CTNNA2: variants seen among roughly 807,000 people sequenced by gnomAD.
CTNNA2 encodes catenin alpha-2.
In CTNNA2, 42 loss-of-function variants were observed where a neutral mutation model predicts 101.0. That is an observed-to-expected ratio of 0.42 (90% CI 0.32 to 0.54). CTNNA2 has a LOEUF of 0.54. Among genes scored for constraint, CTNNA2 ranks in the 20% least tolerant of loss-of-function variants. CTNNA2 has a pLI of 0.14. For synonymous variants in CTNNA2, 450 were observed against 456.4 expected (o/e 0.99, Z 0.18); for missense variants, 871 against 1,223.1 (o/e 0.71, Z 4.29).
At chr2:79,883,134 G>C (rs1683578873) in intron 6 of CTNNA2, among the ~76,000 whole-genome samples, 1 of 152,128 alleles carries the variant, frequency 6.6e-6, no homozygotes, top group South Asian at 2.1e-4. Flanking sequence ...TGGCCATCTT[G>C]GTCCTGCCCT....
At chr2:79,329,690 C>T (rs184844400) in intron 3 of CTNNA2, among the ~76,000 whole-genome samples, 9 of 152,218 alleles carry the variant, frequency 5.9e-5, no homozygotes, top group African/African-American at 2.2e-4. Context: ...CATTTCCTTC[C>T]TGGAGGATGT....
At chr2:80,168,632 T>G (rs1704849498) in intron 7 of CTNNA2, among the ~76,000 whole-genome samples, 1 of 152,174 alleles carries the variant, frequency 6.6e-6, no homozygotes, top group East Asian at 1.9e-4. Flanking sequence ...ATCCATTCTT[T>G]TATGTAATTA....
chr2:79,611,502 C>A (rs971817166), intron 1 of CTNNA2, among the ~76,000 whole-genome samples: 1 of 152,104 alleles, frequency 6.6e-6, no homozygotes, highest in African/African-American at 2.4e-5. Context: ...CAGAATTAAA[C>A]AAATAACTCT....
chr2:79,975,944 T>G (rs1387720622), intron 7 of CTNNA2, among the ~76,000 whole-genome samples: 1 of 152,152 alleles, frequency 6.6e-6, no homozygotes, highest in African/African-American at 2.4e-5. Context: ...AACCTTCAGC[T>G]TCTATCCCCT....
intron 7 of CTNNA2, among the ~76,000 whole-genome samples, chr2:79,978,854 T>C (rs970963843): frequency 6.6e-6 from 1 of 152,162 alleles, no homozygotes; most frequent in East Asian, 1.9e-4. Flanking sequence ...CAATTTTAAA[T>C]AGTTTGTGTA....
intron 9 of CTNNA2, among the ~76,000 whole-genome samples, chr2:80,445,586 C>T (rs1233728299): frequency 6.6e-6 from 1 of 152,152 alleles, no homozygotes; most frequent in Non-Finnish European, 1.5e-5. Context: ...TAGTAAAATG[C>T]AGATATTTAG....
chr2:80,219,580 G>T (rs534987307), intron 7 of CTNNA2, among the ~76,000 whole-genome samples: 1 of 151,822 alleles, frequency 6.6e-6, no homozygotes, highest in Non-Finnish European at 1.5e-5. Context: ...CTCACCAATC[G>T]ACCCATTCAC....
intron 4 of CTNNA2, among the ~76,000 whole-genome samples, chr2:79,439,289 A>T (rs1678752762): frequency 6.6e-6 from 1 of 152,190 alleles, no homozygotes; most frequent in African/African-American, 2.4e-5. Context: ...CCTTTTAAAC[A>T]TTTGGCTAAG....
chr2:79,281,980 T>C (rs1339530370), intron 2 of CTNNA2, among the ~76,000 whole-genome samples: 3 of 152,140 alleles, frequency 2.0e-5, no homozygotes, highest in African/African-American at 7.2e-5. Flanking sequence ...AAATTATAAT[T>C]TATAATAGTC....
intron 1 of CTNNA2, among the ~76,000 whole-genome samples, chr2:79,548,814 C>A (rs936778979): frequency 6.6e-6 from 1 of 152,142 alleles, no homozygotes; most frequent in African/African-American, 2.4e-5. Context: ...GCCTGGCCTG[C>A]CCCACAGTGC....
chr2:79,555,258 A>C (rs2104086894), intron 1 of CTNNA2, among the ~76,000 whole-genome samples: 1 of 152,254 alleles, frequency 6.6e-6, no homozygotes, highest in Non-Finnish European at 1.5e-5. Context: ...AAAATTATTG[A>C]ATAAGGCCAT....
chr2:80,516,274 G>A (rs1311913349), intron 9 of CTNNA2, among the ~76,000 whole-genome samples: 3 of 152,214 alleles, frequency 2.0e-5, no homozygotes, highest in African/African-American at 7.2e-5. Context: ...GGCAGAAGCA[G>A]AGAGATGGAA....
chr2:80,133,167 G>A (rs1702503991), intron 7 of CTNNA2, among the ~76,000 whole-genome samples: 1 of 152,122 alleles, frequency 6.6e-6, no homozygotes, highest in African/African-American at 2.4e-5. Flanking sequence ...GGGAAGAGAT[G>A]GCCTTGTGTA....
intron 1 of CTNNA2, among the ~76,000 whole-genome samples, chr2:79,190,807 G>T (rs544785510): frequency 1.3e-5 from 2 of 152,176 alleles, no homozygotes; most frequent in East Asian, 3.9e-4. Flanking sequence ...ACTTTTTGTC[G>T]CAAGTAAGAG....
intron 4 of CTNNA2, among the ~76,000 whole-genome samples, chr2:79,436,913 G>A (rs542550655): frequency 6.6e-5 from 10 of 152,040 alleles, no homozygotes; most frequent in African/African-American, 1.2e-4. Context: ...TTACAGGCGT[G>A]AGCCACCATG....
chr2:79,489,267 A>AT (rs1359284297), intron 4 of CTNNA2, among the ~76,000 whole-genome samples: 2 of 152,064 alleles, frequency 1.3e-5, no homozygotes, highest in African/African-American at 4.8e-5. Flanking sequence ...TCCTTTGCTA[A>AT]TTTTTAGGCA....
At chr2:79,878,973 A>C (rs555399468) in intron 6 of CTNNA2, among the ~76,000 whole-genome samples, 1 of 152,296 alleles carries the variant, frequency 6.6e-6, no homozygotes, top group African/African-American at 2.4e-5. Flanking sequence ...TTAAGTCTTT[A>C]ATACATCTTG....
intron 14 of CTNNA2, among the ~76,000 whole-genome samples, chr2:80,587,441 C>T (rs1395145320): frequency 1.3e-5 from 2 of 152,146 alleles, no homozygotes; most frequent in Admixed American, 1.3e-4. Context: ...TGCTTACTTT[C>T]ATTTTATTTG....
intron 7 of CTNNA2, among the ~76,000 whole-genome samples, chr2:79,937,526 T>C (rs1188165478): frequency 1.3e-5 from 2 of 152,238 alleles, no homozygotes; most frequent in African/African-American, 4.8e-5. Context: ...TTTCTCACTT[T>C]TCAAATCATC....
Sources: gnomAD v4.1 joint callset for allele counts (sites outside exome capture counted in the v4.1 genomes callset) on GRCh38, gnomAD v4.1.1 for gene constraint, MANE v1.5 for transcripts, NCBI Gene and HGNC (gene_info 2026-07-23, HGNC 2026-07-21) for gene names.